CDK5RAP1: variants seen among roughly 807,000 people sequenced by gnomAD.
The protein encoded by CDK5RAP1 is mitochondrial tRNA methylthiotransferase CDK5RAP1.
CDK5RAP1 carries 62 observed loss-of-function variants against 64.5 expected under a neutral mutation model. The ratio of observed to expected loss-of-function variants is 0.96; its 90% CI spans 0.78 to 1.19. The LOEUF (loss-of-function observed/expected upper bound fraction) is 1.19. Among genes scored for constraint, CDK5RAP1 ranks in the 50% most tolerant of loss-of-function variants. The probability of loss-of-function intolerance (pLI) is 0.00; values close to 1 mark genes in which losing one functional copy is unlikely to be tolerated. For synonymous variants in CDK5RAP1, 250 were observed against 261.9 expected (o/e 0.95, Z 0.44); for missense variants, 657 against 735.0 (o/e 0.89, Z 1.23).
Position 33,395,133 on chromosome 20 carries a change from G to A in CDK5RAP1, c.305-17C>T, listed in dbSNP as rs868629502. On this transcript the variant is annotated splice_polypyrimidine_tract_variant and intron_variant, in intron 2 of 13. Coordinates refer to ENST00000346416, the MANE Select transcript of CDK5RAP1 (RefSeq NM_016408.4). ...CGAGGTAGACTGCAGTGAGAGGTTG[G>A]GGGGAATCCATGGTAGACAGACAAC... 2.7e-6 allele frequency: 4 copies of A among 1,470,758 alleles called. No individual in the cohort carries two copies. Among genetic ancestry groups the A allele is most frequent in the Non-Finnish European group, 3.8e-6 (4 of 1,050,174 alleles). The allele number at this position is 1,470,758 out of a possible 1,614,324, so 91.1% of individuals were successfully genotyped here.
intron 11 of CDK5RAP1, 106 bp from the exon 12 acceptor site, chr20:33,367,114 G>A (rs1984132155): frequency 1.7e-6 from 2 of 1,143,112 alleles, no homozygotes; most frequent in African/African-American, 3.1e-5. Context: ...ACAAGTAACA[G>A]ACACATGTAC....
chr20:33,389,517 C>G (rs1423173599), intron 5 of CDK5RAP1, among the ~76,000 whole-genome samples: 1 of 151,680 alleles, frequency 6.6e-6, no homozygotes, highest in South Asian at 2.1e-4. Context: ...GCCCGGCCAG[C>G]CGACCCGTCA....
intron 13 of CDK5RAP1, chr20:33,360,014 G>T: frequency 4.5e-6 from 1 of 223,246 alleles, no homozygotes; most frequent in Non-Finnish European, 8.8e-6. Context: ...AGATCACAAA[G>T]AAAATGTTGA....
chr20:33,384,069 C>G (rs904278117), intron 7 of CDK5RAP1, among the ~76,000 whole-genome samples: 2 of 151,986 alleles, frequency 1.3e-5, no homozygotes, highest in South Asian at 2.1e-4. Flanking sequence ...ATTTAGAAGA[C>G]TTCCAATAGA....
rs1989070735 is a variant in CDK5RAP1 at position 33,398,143 on chromosome 20, T to G, written c.-20-1059A>C. 2.0e-5 allele frequency among the ~76,000 whole-genome samples: 3 copies of G among 152,222 alleles called. No individual in the cohort carries two copies. The South Asian group carries it at 6.2e-4, about 31-fold the overall frequency. On this transcript the variant is annotated intron_variant, in intron 1 of 13. Transcript: ENST00000346416. ...GTGTGCAAACCATCTGACAAAGCAT[T>G]TCCACTCATAATTATCCTGCAGATA...
rs764161050 is a variant in CDK5RAP1, at chr20:33,385,568, C to A, written c.876+82G>T. The A allele has an allele frequency of 2.6e-6, 4 of 1,522,090 alleles. No individual in the cohort carries two copies. The African/African-American group carries it at 4.2e-5, about 16-fold the overall frequency. The allele number at this position is 1,522,090 out of a possible 1,614,324, so 94.3% of individuals were successfully genotyped here. A position where few individuals can be genotyped will look rare whatever the true frequency, so the allele number is the denominator to read the frequency against. On this transcript the variant is annotated intron_variant, in intron 7 of 13. Transcript: ENST00000346416. ...GTCCTAAACTTTAATAAGTCAGAGA[C>A]AGCATAGGCTCAAAACTACAAAGGT...
At chr20:33,388,122 A>G (rs1299453808) in intron 5 of CDK5RAP1, among the ~76,000 whole-genome samples, 15 of 151,836 alleles carry the variant, frequency 9.9e-5, no homozygotes, top group Non-Finnish European at 1.5e-5. Context: ...GACATGAACC[A>G]TGTCTTCTTT....
intron 7 of CDK5RAP1, among the ~76,000 whole-genome samples, chr20:33,384,399 G>A (rs769500339): frequency 3.9e-5 from 6 of 152,160 alleles, no homozygotes; most frequent in Non-Finnish European, 8.8e-5. Context: ...TCCTGAAGGA[G>A]TGAGTTTTGG....
chr20:33,361,993 G>A (rs1177464876), intron 12 of CDK5RAP1, among the ~76,000 whole-genome samples: 3 of 151,456 alleles, frequency 2.0e-5, no homozygotes, highest in East Asian at 3.9e-4. Context: ...AGGGAGAGAG[G>A]GAGGGAACAA....
rs549653536 is a variant in CDK5RAP1 at position 33,385,441 on chromosome 20, A to G, written c.876+209T>C. ...CACTCCATCACCTGACTGTAATCTC[A>G]TGCCCTCTCCATCCACCATGCTGCC... On this transcript the variant is annotated intron_variant, in intron 7 of 13. Coordinates refer to ENST00000346416, the MANE Select transcript of CDK5RAP1 (RefSeq NM_016408.4). Among the ~76,000 whole-genome samples the G allele has an allele frequency of 4.6e-5, 7 of 151,234 alleles. No homozygotes were observed. The East Asian group carries it at 1.4e-3, about 30-fold the overall frequency.
chr20:33,381,137 A>G (rs1360456288), intron 7 of CDK5RAP1, among the ~76,000 whole-genome samples: 1 of 152,190 alleles, frequency 6.6e-6, no homozygotes, highest in Non-Finnish European at 1.5e-5. Context: ...AAATTCATCA[A>G]ATGTTAACAC....
chr20:33,379,337 T>C, intron 8 of CDK5RAP1, 124 bp downstream of exon 8: 1 of 664,222 alleles, frequency 1.5e-6, no homozygotes, highest in Non-Finnish European at 2.6e-6. Flanking sequence ...TGGAGGGTGA[T>C]GCAGCAATAC....
chr20:33,385,592 G>T, intron 7 of CDK5RAP1, 58 bp downstream of exon 7: 1 of 1,600,102 alleles, frequency 6.2e-7, no homozygotes, highest in African/African-American at 1.3e-5. Flanking sequence ...AACTACAAAG[G>T]TTATCCTCAT....
At chr20:33,376,039 A>T (rs1276884351) in intron 8 of CDK5RAP1, among the ~76,000 whole-genome samples, 2 of 152,022 alleles carry the variant, frequency 1.3e-5, no homozygotes, top group Non-Finnish European at 2.9e-5. Context: ...TTTATTTAAA[A>T]ATTATAGGGC....
In CDK5RAP1 at chr20:33,359,007, G is replaced by T; in HGVS notation, c.*36C>A. The T allele has an allele frequency of 6.8e-7, 1 of 1,461,462 alleles. No homozygotes were observed. Among genetic ancestry groups the T allele is most frequent in the Non-Finnish European group, 9.6e-7 (1 of 1,043,588 alleles). The allele number at this position is 1,461,462 out of a possible 1,614,324, so 90.5% of individuals were successfully genotyped here. ...AATGTCTCCCCTTCCTGTTGGGGAG[G>T]ATTGCCCAAGTCAGCTCTGAGGCCA... On this transcript the variant is annotated 3_prime_UTR_variant, in exon 14 of 14. Coordinates refer to ENST00000346416, the MANE Select transcript of CDK5RAP1 (RefSeq NM_016408.4).
At chr20:33,396,586 C>T (rs558452842) in intron 2 of CDK5RAP1, among the ~76,000 whole-genome samples, 175 bp downstream of exon 2, 4 of 152,240 alleles carry the variant, frequency 2.6e-5, no homozygotes, top group African/African-American at 9.6e-5. Context: ...AGGCATGAGC[C>T]ACCGTGACCA....
At chr20:33,391,565 T>C (rs1214942131) in intron 5 of CDK5RAP1, among the ~76,000 whole-genome samples, 1 of 151,550 alleles carries the variant, frequency 6.6e-6, no homozygotes, top group East Asian at 1.9e-4. Context: ...CTCATGCCTA[T>C]AATCCCAACA....
intron 5 of CDK5RAP1, among the ~76,000 whole-genome samples, chr20:33,388,304 T>C (rs552610201): frequency 1.3e-5 from 2 of 152,250 alleles, no homozygotes; most frequent in Admixed American, 6.5e-5. Context: ...AAAAAAATTA[T>C]GTTATTAAAG....
At chr20:33,370,449 C>G in intron 11 of CDK5RAP1, 50 bp downstream of exon 11, 1 of 1,606,506 alleles carries the variant, frequency 6.2e-7, no homozygotes, top group Non-Finnish European at 8.5e-7. Context: ...CAGTCACCAC[C>G]CCCAAACTGG....
Sources: allele counts gnomAD v4.1 joint callset (sites outside exome capture counted in the v4.1 genomes callset), GRCh38; gene constraint gnomAD v4.1.1; transcripts MANE v1.5; gene names NCBI Gene and HGNC (gene_info 2026-07-23, HGNC 2026-07-21).